Variants in KCNH8 observed in about 807,000 individuals in gnomAD.
KCNH8 encodes potassium voltage-gated channel subfamily H member 8, also known as voltage-gated delayed rectifier potassium channel KCNH8.
In KCNH8, 70 loss-of-function variants were observed where a neutral mutation model predicts 103.6. The ratio of observed to expected loss-of-function variants is 0.68; its 90% CI spans 0.56 to 0.82. The LOEUF is 0.82. Ranked by LOEUF, KCNH8 falls within the 40% of genes least tolerant of loss-of-function variation. KCNH8 has a pLI of 0.00. For synonymous variants in KCNH8, 498 were observed against 489.4 expected, an observed-to-expected ratio of 1.02 and a Z score of -0.23; for missense variants, 1,217 against 1,329.9, an observed-to-expected ratio of 0.92 and a Z score of 1.32.
At chr3:19,490,490 A>T (rs1003999006) in intron 11 of KCNH8, among the ~76,000 whole-genome samples, 1 of 152,224 alleles carries the variant, frequency 6.6e-6, no homozygotes, top group Non-Finnish European at 1.5e-5. Context: ...AGAACAGGAC[A>T]GGGATTTTCA....
chr3:19,352,931 C>G (rs1428406201), intron 5 of KCNH8, among the ~76,000 whole-genome samples: 3 of 151,674 alleles, frequency 2.0e-5, no homozygotes, highest in Non-Finnish European at 4.4e-5. Context: ...TTCAAAAAAT[C>G]AATGAATCCA....
At chr3:19,486,696 G>C (rs879535307) in intron 11 of KCNH8, among the ~76,000 whole-genome samples, 7 of 152,204 alleles carry the variant, frequency 4.6e-5, no homozygotes, top group Non-Finnish European at 7.3e-5. Flanking sequence ...CTCTTGTAGA[G>C]GCTCCCATTT....
intron 3 of KCNH8, among the ~76,000 whole-genome samples, chr3:19,296,478 C>T (rs2064998204): frequency 6.6e-6 from 1 of 152,184 alleles, no homozygotes; most frequent in South Asian, 2.1e-4. Flanking sequence ...CTGGTTTGTG[C>T]TCTAGTTTTT....
At chr3:19,508,271 A>G (rs1352863028) in intron 11 of KCNH8, among the ~76,000 whole-genome samples, 1 of 152,186 alleles carries the variant, frequency 6.6e-6, no homozygotes, top group Admixed American at 6.5e-5. Context: ...GACCGTCAGT[A>G]CATTTGGTAA....
intron 3 of KCNH8, among the ~76,000 whole-genome samples, chr3:19,311,837 C>T (rs1258070481): frequency 6.6e-6 from 1 of 151,896 alleles, no homozygotes; most frequent in Admixed American, 6.6e-5. Context: ...ATCCTTGGAG[C>T]CTTTCTGAGA....
At chr3:19,431,298 G>T (rs369888916) in intron 7 of KCNH8, among the ~76,000 whole-genome samples, 7 of 152,164 alleles carry the variant, frequency 4.6e-5, no homozygotes, top group Admixed American at 2.6e-4. Flanking sequence ...ATTGATTTGT[G>T]TATGTTGAAC....
intron 5 of KCNH8, among the ~76,000 whole-genome samples, chr3:19,378,141 C>T (rs1392704757): frequency 6.6e-6 from 1 of 152,180 alleles, no homozygotes; most frequent in East Asian, 1.9e-4. Flanking sequence ...TGTAATGTCA[C>T]TCTGTTTTTC....
chr3:19,440,331 T>G (rs943159479), intron 8 of KCNH8, among the ~76,000 whole-genome samples: 4 of 152,172 alleles, frequency 2.6e-5, no homozygotes, highest in Non-Finnish European at 5.9e-5. Flanking sequence ...TATTCAAATA[T>G]TGTATTAGTT....
chr3:19,376,342 G>T (rs2066202484), intron 5 of KCNH8, among the ~76,000 whole-genome samples: 1 of 152,194 alleles, frequency 6.6e-6, no homozygotes, highest in East Asian at 1.9e-4. Context: ...GCAGTATTCG[G>T]GTAGGAGTGA....
chr3:19,453,285 T>A (rs966722782), intron 10 of KCNH8, among the ~76,000 whole-genome samples: 4 of 152,066 alleles, frequency 2.6e-5, no homozygotes, highest in Non-Finnish European at 5.9e-5. Flanking sequence ...ACACTGAAAG[T>A]CCAGACTTCA....
chr3:19,348,068 C>A, intron 5 of KCNH8, 103 bp downstream of exon 5: 1 of 1,390,120 alleles, frequency 7.2e-7, no homozygotes, highest in South Asian at 1.3e-5. Context: ...TTTGCATGGG[C>A]TTGATTCAGC....
rs2066701508 is a variant in KCNH8 at position 19,406,979 on chromosome 3, A to G, written c.1177+11668A>G. ...GAACAACAGCTCTTTTAGTAGAATT[A>G]TTCTACTCCAGAATATTTCTGAAGA... On this transcript the variant is annotated intron_variant, in intron 7 of 15. Transcript: ENST00000328405. 4.6e-5 allele frequency among the ~76,000 whole-genome samples: 7 copies of G among 152,324 alleles called. No individual in the cohort carries two copies. The South Asian group carries it at 1.2e-3, about 27-fold the overall frequency.
intron 4 of KCNH8, among the ~76,000 whole-genome samples, chr3:19,345,552 C>T (rs1201073170): frequency 6.6e-6 from 1 of 152,042 alleles, no homozygotes; most frequent in Non-Finnish European, 1.5e-5. Flanking sequence ...ACTAGGCAAA[C>T]TCCATGTTTG....
At position 19,347,871 on chromosome 3, in the gene KCNH8, A is replaced by G; in HGVS notation, c.717A>G (p.Val239=). ...LLATFYVAVT[V]PYNVCFIGND... ...CAACGTTTTATGTTGCTGTGACTGTACCTTACAACGTTTGCTTTATTGGCA... is the reference window on the plus strand; with the variant it reads ...CAACGTTTTATGTTGCTGTGACTGTGCCTTACAACGTTTGCTTTATTGGCA... Residue 239 remains valine, a synonymous_variant, in exon 5 of 16, where the codon GTA becomes GTG. Transcript: ENST00000328405. 14 of 1,613,404 alleles carry G rather than the reference A, an allele frequency of 8.7e-6. No homozygotes were observed. Among genetic ancestry groups the G allele is most frequent in the Non-Finnish European group, 1.2e-5 (14 of 1,179,524 alleles).
At position 19,244,639 on chromosome 3, in the gene KCNH8, T is replaced by A. The variant is rs117182609; in HGVS notation, c.77-9015T>A. 4.0e-3 allele frequency among the ~76,000 whole-genome samples: 608 copies of A among 152,268 alleles called. 29 individuals are homozygous for A. The East Asian group carries it at 0.093, about 23-fold the overall frequency. On this transcript the variant is annotated intron_variant, in intron 1 of 15. Transcript: ENST00000328405. ...CAGCTTCACCAGCATCTGTTGTTAT[T>A]TGACTTTTTAATAATAGCCATTCTG...
chr3:19,323,484 C>T (rs2065379298), intron 3 of KCNH8, among the ~76,000 whole-genome samples: 1 of 152,176 alleles, frequency 6.6e-6, no homozygotes, highest in Admixed American at 6.6e-5. Flanking sequence ...AAATAATTGT[C>T]TTCTGAATTC....
chr3:19,196,802 C>T (rs1465726095), intron 1 of KCNH8, among the ~76,000 whole-genome samples: 1 of 152,002 alleles, frequency 6.6e-6, no homozygotes, highest in African/African-American at 2.4e-5. Flanking sequence ...ATGTTTGATA[C>T]CTATATGCTT....
chr3:19,270,384 A>G (rs751438446), intron 2 of KCNH8, among the ~76,000 whole-genome samples: 1 of 152,186 alleles, frequency 6.6e-6, no homozygotes, highest in Non-Finnish European at 1.5e-5. Flanking sequence ...TATGGTCTCA[A>G]AATGTATTTT....
intron 9 of KCNH8, chr3:19,450,821 G>T (rs1246792196): frequency 1.7e-5 from 5 of 287,972 alleles, no homozygotes; most frequent in Non-Finnish European, 2.0e-5. Flanking sequence ...TCCTCTCTTC[G>T]CATAATCACC....
Sources: gnomAD v4.1 joint callset for allele counts (sites outside exome capture counted in the v4.1 genomes callset) on GRCh38, gnomAD v4.1.1 for gene constraint, MANE v1.5 for transcripts, NCBI Gene and HGNC (gene_info 2026-07-23, HGNC 2026-07-21) for gene names.